The following TRIM2 variants were observed in gnomAD, a reference collection of about 807,000 sequenced individuals.
The protein encoded by TRIM2 is tripartite motif containing 2, also known as tripartite motif-containing protein 2.
TRIM2 carries 20 observed loss-of-function variants against 75.2 expected under a neutral mutation model. The observed-to-expected ratio is 0.27, with a 90% confidence interval of 0.19 to 0.39. TRIM2 has a LOEUF of 0.39. Among genes scored for constraint, TRIM2 ranks in the 10% least tolerant of loss-of-function variants. TRIM2 has a pLI of 1.00. For missense variants in TRIM2, 660 were observed against 990.8 expected (o/e 0.67, Z 4.48); for synonymous variants, 373 against 388.3 (o/e 0.96, Z 0.46).
intron 1 of TRIM2, among the ~76,000 whole-genome samples, chr4:153,218,150 A>G (rs1371829337): frequency 6.6e-6 from 1 of 152,204 alleles, no homozygotes; most frequent in Non-Finnish European, 1.5e-5. Flanking sequence ...CACCTATTCA[A>G]TTGTAAATAT....
At chr4:153,164,460 G>A (rs1396921848) in intron 1 of TRIM2, among the ~76,000 whole-genome samples, 1 of 151,770 alleles carries the variant, frequency 6.6e-6, no homozygotes, top group East Asian at 1.9e-4. Flanking sequence ...TTGCTTCCAT[G>A]TTTCTAAAAA....
At chr4:153,199,940 A>ATT (rs34958420), upstream of TRIM2, among the ~76,000 whole-genome samples, 5,289 of 122,142 alleles carry the variant, frequency 0.043, 240 homozygotes, top group African/African-American at 0.061. Flanking sequence ...TGGCCAGCTA[A>ATT]TTTTTTTTTT....
intron 1 of TRIM2, among the ~76,000 whole-genome samples, chr4:153,216,103 T>C (rs1165362571): frequency 1.3e-5 from 2 of 152,196 alleles, no homozygotes; most frequent in East Asian, 3.8e-4. Flanking sequence ...AGAGAGTTGT[T>C]CTCTTTCTGT....
At chr4:153,198,874 TG>T in intron 1 of TRIM2, among the ~76,000 whole-genome samples, 1 of 152,162 alleles carries the variant, frequency 6.6e-6, no homozygotes, top group Non-Finnish European at 1.5e-5. Context: ...TGCCAAGAGT[TG>T]GGTGACTAAG....
At chr4:153,276,527 C>T (rs1758065991) in intron 3 of TRIM2, among the ~76,000 whole-genome samples, 1 of 152,178 alleles carries the variant, frequency 6.6e-6, no homozygotes, top group Non-Finnish European at 1.5e-5. Context: ...TTTTCTCATG[C>T]TACATTAGAC....
In TRIM2 at chr4:153,338,153, G is replaced by C. The variant is rs982362427; in HGVS notation, c.*3187G>C. On this transcript the variant is annotated 3_prime_UTR_variant, in exon 12 of 12. Coordinates refer to ENST00000338700, the MANE Select transcript of TRIM2 (RefSeq NM_015271.5). ...CTTGCTTCCACTACTAAATATACAG[G>C]GTATGTCCTAACATGGAGTTAACTG... is the stretch of plus-strand genomic sequence containing the variant. 1 of 985,608 alleles carries C rather than the reference G, an allele frequency of 1.0e-6. No individual in the cohort carries two copies. Among genetic ancestry groups the C allele is most frequent in the African/African-American group, 1.7e-5 (1 of 57,172 alleles). 61.1% of individuals were successfully genotyped at this position (985,608 alleles called of 1,614,324 possible).
At chr4:153,334,577 A>C (rs1219605362) in intron 11 of TRIM2, among the ~76,000 whole-genome samples, 1 of 152,108 alleles carries the variant, frequency 6.6e-6, no homozygotes, top group Non-Finnish European at 1.5e-5. Context: ...ATGGTGGCTC[A>C]TGGCTATTAT....
At chr4:153,198,047 C>T (rs1012443512) in intron 1 of TRIM2, among the ~76,000 whole-genome samples, 3 of 152,126 alleles carry the variant, frequency 2.0e-5, no homozygotes, top group Admixed American at 6.6e-5. Context: ...ACATAAATTC[C>T]GGTTGCTTAT....
chr4:153,163,382 C>T (rs1249839431), intron 1 of TRIM2, among the ~76,000 whole-genome samples: 1 of 151,340 alleles, frequency 6.6e-6, no homozygotes, highest in Non-Finnish European at 1.5e-5. Flanking sequence ...TGAGGTCTCA[C>T]TATGTTGTCC....
intron 3 of TRIM2, among the ~76,000 whole-genome samples, chr4:153,284,651 G>A (rs969466438): frequency 3.3e-5 from 5 of 152,302 alleles, no homozygotes; most frequent in African/African-American, 1.2e-4. Flanking sequence ...AGTATGCAGT[G>A]ATATCTTGTT....
At chr4:153,262,814 A>G (rs1167106529) in intron 1 of TRIM2, among the ~76,000 whole-genome samples, 1 of 152,226 alleles carries the variant, frequency 6.6e-6, no homozygotes, top group Non-Finnish European at 1.5e-5. Context: ...CTAGGAATAA[A>G]CAAAGACAGC....
rs1183914263 is a variant in TRIM2, at chr4:153,247,677, CAAAAAAAAAAAAAA to C, written c.31-22647_31-22634del. ...TGGGAAACAGAGTGAGACTCTGTCTCAAAAAAAAAAAAAAAAAAAAAAAACTGTATAGGCATATC... is the reference window on the plus strand; with the variant it reads ...TGGGAAACAGAGTGAGACTCTGTCTCAAAAAAAAAACTGTATAGGCATATC... On this transcript the variant is annotated intron_variant, in intron 1 of 11. Transcript: ENST00000338700. Among the ~76,000 whole-genome samples, 435 of 79,568 alleles carry C rather than the reference CAAAAAAAAAAAAAA, an allele frequency of 5.5e-3. 8 individuals are homozygous for C. The highest frequency in any genetic ancestry group is 0.019 in the African/African-American group (411 of 21,944). 52.2% of individuals were successfully genotyped at this position (79,568 alleles called of 152,430 possible). A position where few individuals can be genotyped will look rare whatever the true frequency, so the allele number is the denominator to read the frequency against.
rs964372436 is a variant in TRIM2 at position 153,226,034 on chromosome 4, C to A, written c.30+21474C>A. The stretch of plus-strand genomic sequence containing the variant: ...TACAGGCATGTGCCACCACACCCGA[C>A]TAATTTTTAAATTTTTTGTAGAGAC... On this transcript the variant is annotated intron_variant, in intron 1 of 11. Transcript: ENST00000338700. Among the ~76,000 whole-genome samples the A allele has an allele frequency of 2.6e-5, 4 of 152,268 alleles. No homozygotes were observed. In the South Asian group the frequency reaches 8.3e-4, roughly 32 times the overall value.
chr4:153,188,959 T>C (rs909736466), intron 1 of TRIM2, among the ~76,000 whole-genome samples: 1 of 152,120 alleles, frequency 6.6e-6, no homozygotes, highest in Non-Finnish European at 1.5e-5. Context: ...CTCCCTTCAT[T>C]TGTGGATAAT....
intron 1 of TRIM2, among the ~76,000 whole-genome samples, chr4:153,163,095 G>A (rs1213607240): frequency 6.6e-6 from 1 of 152,170 alleles, no homozygotes; most frequent in African/African-American, 2.4e-5. Flanking sequence ...TTGTTTAGTT[G>A]ATTTAATGCA....
At chr4:153,158,830 C>T (rs1729476087) in intron 1 of TRIM2, among the ~76,000 whole-genome samples, 1 of 152,166 alleles carries the variant, frequency 6.6e-6, no homozygotes, top group African/African-American at 2.4e-5. Flanking sequence ...GGTGGAAATA[C>T]TTTTCACCTA....
intron 6 of TRIM2, among the ~76,000 whole-genome samples, chr4:153,314,007 A>T (rs901609538): frequency 1.3e-5 from 2 of 152,124 alleles, no homozygotes; most frequent in African/African-American, 2.4e-5. Context: ...TGAAAAATTT[A>T]TCTTCCTTCC....
At chr4:153,294,272 G>T in intron 4 of TRIM2, 33 bp from the exon 5 acceptor site, 1 of 1,604,732 alleles carries the variant, frequency 6.2e-7, no homozygotes, top group Non-Finnish European at 8.5e-7. Context: ...CTGGGTTGAG[G>T]TTAAATAACG....
chr4:153,312,372 C>T (rs1766554184), intron 6 of TRIM2, among the ~76,000 whole-genome samples: 1 of 152,044 alleles, frequency 6.6e-6, no homozygotes, highest in African/African-American at 2.4e-5. Context: ...CCGCAACAAA[C>T]AACCCCATCA....
Sources: gnomAD v4.1 joint callset for allele counts (sites outside exome capture counted in the v4.1 genomes callset) on GRCh38, gnomAD v4.1.1 for gene constraint, MANE v1.5 for transcripts, NCBI Gene and HGNC (gene_info 2026-07-23, HGNC 2026-07-21) for gene names.